PRKAA2: variants seen among roughly 807,000 people sequenced by gnomAD.
PRKAA2 encodes 5'-AMP-activated protein kinase catalytic subunit alpha-2.
A neutral mutation model predicts 56.3 loss-of-function variants in PRKAA2; 40 were observed. That is an observed-to-expected ratio of 0.71 (90% confidence interval 0.55 to 0.92). The LOEUF (loss-of-function observed/expected upper bound fraction) is 0.92. PRKAA2 is among the 40% of genes least tolerant of loss of function. PRKAA2 has a pLI of 0.00. For missense variants in PRKAA2, 542 were observed against 686.9 expected (o/e 0.79, Z 2.36); for synonymous variants, 214 against 234.2 (o/e 0.91, Z 0.79).
Position 56,674,390 on chromosome 1 carries a change from A to G in PRKAA2, c.104A>G (p.His35Arg). Residue 35 changes from histidine (H) to arginine (R), a missense_variant, in exon 2 of 9, where the codon CAT (histidine) becomes CGT (arginine). Transcript: ENST00000371244. ...GTFGKVKIGE[H>R]QLTGHKVAVK... Reference sequence around the variant, plus strand: ...TTTTTCTTTTCTTTAGTTGGAGAACATCAATTAACAGGCCATAAAGTGGCA... The same window carrying G: ...TTTTTCTTTTCTTTAGTTGGAGAACGTCAATTAACAGGCCATAAAGTGGCA... 1.3e-6 allele frequency: 2 copies of G among 1,552,340 alleles called. No homozygotes were observed. The highest frequency in any genetic ancestry group is 1.4e-5 in the African/African-American group (1 of 71,382).
intron 2 of PRKAA2, among the ~76,000 whole-genome samples, chr1:56,685,900 A>T (rs776896033): frequency 7.2e-5 from 11 of 152,194 alleles, no homozygotes; most frequent in Non-Finnish European, 1.2e-4. Context: ...TTCTGATTGG[A>T]TATTTGATGA....
In PRKAA2 at chr1:56,713,264, A is replaced by G. The variant is rs902292324; in HGVS notation, c.*5551A>G. 1 of 152,204 alleles carries G rather than the reference A, an allele frequency of 6.6e-6. No individual in the cohort carries two copies. The highest frequency in any genetic ancestry group is 1.5e-5 in the Non-Finnish European group (1 of 68,034). 9.4% of individuals were successfully genotyped at this position (152,204 alleles called of 1,614,324 possible). ...ATTAAACTTCTTCATCCATAGCCTGATAAGAATCAGGCTGGGTCTAGAAGA... is the reference window on the plus strand; with the variant it reads ...ATTAAACTTCTTCATCCATAGCCTGGTAAGAATCAGGCTGGGTCTAGAAGA... On this transcript the variant is annotated 3_prime_UTR_variant, in exon 9 of 9. Coordinates refer to ENST00000371244, the MANE Select transcript of PRKAA2 (RefSeq NM_006252.4).
At chr1:56,648,459 G>C (rs1174880776) in intron 1 of PRKAA2, among the ~76,000 whole-genome samples, 2 of 152,182 alleles carry the variant, frequency 1.3e-5, no homozygotes, top group African/African-American at 4.8e-5. Flanking sequence ...TACAAAACCA[G>C]TTGATGGTCA....
chr1:56,692,277 C>T, intron 3 of PRKAA2, 81 bp from the exon 4 acceptor site: 1 of 1,539,932 alleles, frequency 6.5e-7, no homozygotes, highest in Non-Finnish European at 8.9e-7. Context: ...GGTAATCCAC[C>T]TGCCTTGGCT....
intron 2 of PRKAA2, among the ~76,000 whole-genome samples, chr1:56,689,897 GACACACACACACACACACAC>G (rs3034077): frequency 6.8e-6 from 1 of 147,044 alleles, no homozygotes; most frequent in South Asian, 2.2e-4. Context: ...CAGACACACA[GACACACACACACACACACAC>G]ACACACACAC....
chr1:56,700,694 G>T (rs1425163678), intron 6 of PRKAA2, among the ~76,000 whole-genome samples: 1 of 152,136 alleles, frequency 6.6e-6, no homozygotes, highest in African/African-American at 2.4e-5. Flanking sequence ...TAAGCTCTGA[G>T]TCAGGTCACA....
intron 2 of PRKAA2, among the ~76,000 whole-genome samples, chr1:56,683,322 A>G (rs558863492): frequency 5.9e-5 from 9 of 152,262 alleles, no homozygotes; most frequent in East Asian, 3.9e-4. Context: ...TAGGTATTCA[A>G]TAATTACTTG....
At position 56,693,959 on chromosome 1, in the gene PRKAA2, G is replaced by T; in HGVS notation, c.563+107G>T. The T allele has an allele frequency of 4.2e-6, 3 of 713,788 alleles. No homozygotes were observed. The South Asian group carries it at 9.7e-5, about 23-fold the overall frequency. 44.2% of individuals were successfully genotyped at this position (713,788 alleles called of 1,614,324 possible). ...GGTAAGATTTTAACATGGTAGAAAT[G>T]GATTATTCATTTATTTTTCCACTGT... is the stretch of plus-strand genomic sequence containing the variant. On this transcript the variant is annotated intron_variant, in intron 5 of 8. Transcript: ENST00000371244.
chr1:56,652,501 A>G (rs1182839116), intron 1 of PRKAA2, among the ~76,000 whole-genome samples: 2 of 152,328 alleles, frequency 1.3e-5, no homozygotes, highest in African/African-American at 4.8e-5. Flanking sequence ...GAACTTGTAC[A>G]AATGATTTGA....
chr1:56,662,225 T>C (rs940684458), intron 1 of PRKAA2, among the ~76,000 whole-genome samples: 1 of 152,034 alleles, frequency 6.6e-6, no homozygotes, highest in Admixed American at 6.6e-5. Flanking sequence ...AGATGAAAGA[T>C]TTATAAGAAC....
intron 1 of PRKAA2, among the ~76,000 whole-genome samples, chr1:56,647,248 AT>A (rs998546299): frequency 6.6e-6 from 1 of 152,222 alleles, no homozygotes; most frequent in African/African-American, 2.4e-5. Context: ...GTCATTTAGT[AT>A]TATTATTAAG....
At chr1:56,675,781 G>A (rs1393478636) in intron 2 of PRKAA2, among the ~76,000 whole-genome samples, 1 of 151,878 alleles carries the variant, frequency 6.6e-6, no homozygotes, top group Non-Finnish European at 1.5e-5. Flanking sequence ...GGAATCAATG[G>A]GATTCAAAGC....
chr1:56,678,529 A>C (rs1232999553), intron 2 of PRKAA2, among the ~76,000 whole-genome samples: 1 of 152,236 alleles, frequency 6.6e-6, no homozygotes, highest in Non-Finnish European at 1.5e-5. Context: ...GTAGAAAATT[A>C]AAAGGCACAA....
chr1:56,655,231 C>T (rs1643930793), intron 1 of PRKAA2, among the ~76,000 whole-genome samples: 1 of 136,118 alleles, frequency 7.3e-6, no homozygotes. Flanking sequence ...TTAAAAAAAT[C>T]ATTTTACTGT....
intron 1 of PRKAA2, among the ~76,000 whole-genome samples, chr1:56,669,003 A>G (rs1234763999): frequency 1.3e-5 from 2 of 152,196 alleles, no homozygotes; most frequent in Non-Finnish European, 2.9e-5. Flanking sequence ...ATACCCTTCA[A>G]TGTGGAATGA....
intron 1 of PRKAA2, among the ~76,000 whole-genome samples, chr1:56,670,572 G>A (rs1644067974): frequency 6.6e-6 from 1 of 152,188 alleles, no homozygotes; most frequent in African/African-American, 2.4e-5. Context: ...GATGCAGGCT[G>A]TACGCTGGGT....
At chr1:56,702,177 A>C (rs1267080173) in intron 6 of PRKAA2, among the ~76,000 whole-genome samples, 4 of 150,400 alleles carry the variant, frequency 2.7e-5, no homozygotes, top group Non-Finnish European at 4.4e-5. Context: ...TCCGCCTCCC[A>C]GGTTCAAGTG....
At chr1:56,669,771 TA>T (rs2100399788) in intron 1 of PRKAA2, among the ~76,000 whole-genome samples, 1 of 152,316 alleles carries the variant, frequency 6.6e-6, no homozygotes, top group African/African-American at 2.4e-5. Context: ...GTAGTTACCT[TA>T]AAAAATGAAA....
chr1:56,685,533 G>T (rs1489519631), intron 2 of PRKAA2, among the ~76,000 whole-genome samples: 1 of 152,110 alleles, frequency 6.6e-6, no homozygotes, highest in African/African-American at 2.4e-5. Context: ...ATGCATCTAG[G>T]CTCTGATCAA....
Sources: allele counts gnomAD v4.1 joint callset (sites outside exome capture counted in the v4.1 genomes callset), GRCh38; gene constraint gnomAD v4.1.1; transcripts MANE v1.5; gene names NCBI Gene and HGNC (gene_info 2026-07-23, HGNC 2026-07-21).